The following PARP4 variants were observed in gnomAD, a reference collection of about 807,000 sequenced individuals.
PARP4 encodes protein mono-ADP-ribosyltransferase PARP4.
A neutral mutation model predicts 187.7 loss-of-function variants in PARP4; 120 were observed. The observed-to-expected ratio is 0.64, with a 90% confidence interval of 0.55 to 0.74. The LOEUF (loss-of-function observed/expected upper bound fraction) is 0.74, where lower values mean the gene tolerates loss of function less well. Among genes scored for constraint, PARP4 ranks in the 30% least tolerant of loss-of-function variants. The pLI is 0.00. For missense variants in PARP4, 1,836 were observed against 2,070.5 expected (o/e 0.89, Z 2.20); for synonymous variants, 654 against 740.9 (o/e 0.88, Z 1.90).
At chr13:24,479,495 A>G (rs1365741651) in intron 12 of PARP4, among the ~76,000 whole-genome samples, 1 of 151,960 alleles carries the variant, frequency 6.6e-6, no homozygotes, top group East Asian at 1.9e-4. Context: ...GATTGTAAAC[A>G]CACCAATCAG....
intron 32 of PARP4, among the ~76,000 whole-genome samples, chr13:24,428,806 A>G (rs1374225586): frequency 6.6e-6 from 1 of 152,170 alleles, no homozygotes; most frequent in Non-Finnish European, 1.5e-5. Flanking sequence ...ACTCTGGCCT[A>G]TCTAAATGTG....
At chr13:24,500,026 G>C (rs1209181726) in intron 4 of PARP4, among the ~76,000 whole-genome samples, 3 of 139,700 alleles carry the variant, frequency 2.1e-5, no homozygotes, top group Admixed American at 1.5e-4. Context: ...GAAAATAATA[G>C]GATGAAAATA....
chr13:24,447,079 C>G lies in PARP4; in HGVS notation c.3222G>C (p.Gln1074His). 1 of 1,611,208 alleles carries G rather than the reference C, an allele frequency of 6.2e-7. No homozygotes were observed. The highest frequency in any genetic ancestry group is 8.5e-7 in the Non-Finnish European group (1 of 1,178,402). Residue 1074 changes from glutamine to histidine, a missense_variant, in exon 26 of 34, where the codon CAG (glutamine) becomes CAC (histidine). Around this residue, in one of 8 missense-constraint regions of PARP4, gnomAD observed 56 missense variants for 103.7 expected, o/e 0.54. Transcript: ENST00000381989. Reference sequence around the variant, plus strand: ...GATCATTGAGAAACAAGGACGGCACCTGGGCTGGGGCCTGCAGGGCCTCGG... The same window carrying G: ...GATCATTGAGAAACAAGGACGGCACGTGGGCTGGGGCCTGCAGGGCCTCGG... ...DVPEALQAPA[Q>H]VPSLFLNDRL...
chr13:24,494,094 C>CA (rs748247541), intron 7 of PARP4, among the ~76,000 whole-genome samples: 25 of 152,190 alleles, frequency 1.6e-4, no homozygotes, highest in Non-Finnish European at 2.8e-4. Context: ...CTGAAATAAG[C>CA]AATACATCTC....
chr13:24,460,187 T>C (rs758501864), intron 17 of PARP4, 51 bp from the exon 18 acceptor site: 13 of 1,487,414 alleles, frequency 8.7e-6, no homozygotes, highest in Non-Finnish European at 1.2e-5. Context: ...ATACCCATTA[T>C]ATGCCAGCTA....
chr13:24,469,906 G>A lies in PARP4; in HGVS notation c.2034C>T (p.His678=), dbSNP rs1872658410. The A allele has an allele frequency of 6.2e-7, 1 of 1,613,542 alleles. No individual in the cohort carries two copies. Among genetic ancestry groups the A allele is most frequent in the Non-Finnish European group, 8.5e-7 (1 of 1,179,664 alleles). ...CGFEAFINGK[H]IVGEIKEKEE... is the part of the protein sequence containing the mutation. ...CTTCTTGCCTTACCTCTCCAACTATGTGCTTCCCATTGATGAAGGCTTCGA... is the reference window on the plus strand; with the variant it reads ...CTTCTTGCCTTACCTCTCCAACTATATGCTTCCCATTGATGAAGGCTTCGA... The change falls in exon 16 of 34, where the codon CAC becomes CAT. Residue 678 remains histidine (H), a synonymous_variant. Transcript: ENST00000381989.
At chr13:24,437,849 CA>C (rs1216300092) in intron 30 of PARP4, among the ~76,000 whole-genome samples, 137 of 118,182 alleles carry the variant, frequency 1.2e-3, no homozygotes, top group Non-Finnish European at 1.3e-3. Flanking sequence ...GACTCCATCT[CA>C]AAAAAAAAAA....
chr13:24,501,934 G>C, intron 2 of PARP4, 100 bp from the exon 3 acceptor site: 1 of 727,608 alleles, frequency 1.4e-6, no homozygotes, highest in Non-Finnish European at 2.3e-6. Context: ...TATTAAGGTA[G>C]TTTGTGATAA....
intron 1 of PARP4, among the ~76,000 whole-genome samples, chr13:24,506,071 C>T (rs1869640458): frequency 6.6e-6 from 1 of 152,222 alleles, no homozygotes; most frequent in African/African-American, 2.4e-5. Context: ...CTTGGTCTCA[C>T]TGACTTCAAA....
At chr13:24,462,051 C>T (rs1872238409) in intron 17 of PARP4, among the ~76,000 whole-genome samples, 1 of 152,162 alleles carries the variant, frequency 6.6e-6, no homozygotes, top group African/African-American at 2.4e-5. Context: ...TAAGATAGGA[C>T]AATGAACAGA....
intron 33 of PARP4, among the ~76,000 whole-genome samples, chr13:24,422,798 G>A (rs536045242): frequency 5.9e-5 from 9 of 151,904 alleles, no homozygotes; most frequent in Admixed American, 2.0e-4. Context: ...TAGTAGAGAC[G>A]GGGTTTCACC....
rs780991680 is a variant in PARP4, at chr13:24,477,863, G to A, written c.1633-6C>T. The A allele has an allele frequency of 3.2e-6, 5 of 1,552,664 alleles. No homozygotes were observed. Among genetic ancestry groups the A allele is most frequent in the Admixed American group, 4.3e-5 (2 of 46,844 alleles). ...TAGACAACAAATTCATCATCCTAGA[G>A]CAAACAGAAATCAGTAGGTGATTAA... On this transcript the variant is annotated splice_polypyrimidine_tract_variant and splice_region_variant and intron_variant, in intron 13 of 33. Coordinates refer to ENST00000381989, the MANE Select transcript of PARP4 (RefSeq NM_006437.4).
intron 6 of PARP4, among the ~76,000 whole-genome samples, chr13:24,497,769 C>T (rs1421463248): frequency 6.6e-6 from 1 of 152,114 alleles, no homozygotes; most frequent in Non-Finnish European, 1.5e-5. Context: ...TAAGGGTGGG[C>T]CCTGATCCAA....
At chr13:24,449,131 G>A (rs1312353700) in intron 25 of PARP4, among the ~76,000 whole-genome samples, 1 of 152,172 alleles carries the variant, frequency 6.6e-6, no homozygotes, top group East Asian at 1.9e-4. Flanking sequence ...GCTCACGCCT[G>A]TAATCCCAGC....
intron 21 of PARP4, among the ~76,000 whole-genome samples, chr13:24,455,798 T>C (rs995980479): frequency 1.3e-5 from 2 of 151,620 alleles, no homozygotes; most frequent in South Asian, 4.2e-4. Context: ...TTTTTCTTAA[T>C]TTTTTACAGA....
chr13:24,491,898 G>C (rs751215033), intron 9 of PARP4, among the ~76,000 whole-genome samples: 2 of 152,220 alleles, frequency 1.3e-5, no homozygotes, highest in Non-Finnish European at 2.9e-5. Flanking sequence ...AACTATTACA[G>C]ATGGGATGCC....
intron 9 of PARP4, among the ~76,000 whole-genome samples, chr13:24,491,704 G>A (rs1464454708): frequency 8.0e-5 from 12 of 149,734 alleles, no homozygotes; most frequent in African/African-American, 2.3e-4. Context: ...GGCTGCTGTG[G>A]CTGCCTTCCT....
rs560765186 is a variant in PARP4 at position 24,446,751 on chromosome 13, C to T, written c.3296G>A (p.Cys1099Tyr). The change falls in exon 27 of 34, where the codon TGT becomes TAT. Residue 1099 changes from cysteine (C) to tyrosine (Y), a missense_variant. By Grantham distance (194) the Cys-to-Tyr change is radical. This residue lies in a region of PARP4 where 56 missense variants were observed against 56.6 expected (regional missense o/e 0.99). Transcript: ENST00000381989. ...FIPHCTQATL[C>Y]ALIQEKEFRT... ...AAATTCTTTCTCTTGAATTAGTGCACACAGAGTTGCCTGAAATGGGGAAAA... is the reference window on the plus strand; with the variant it reads ...AAATTCTTTCTCTTGAATTAGTGCATACAGAGTTGCCTGAAATGGGGAAAA... 3 of 1,590,462 alleles carry T rather than the reference C, an allele frequency of 1.9e-6. No homozygotes were observed. Among genetic ancestry groups the T allele is most frequent in the East Asian group, 2.2e-5 (1 of 44,746 alleles).
intron 6 of PARP4, among the ~76,000 whole-genome samples, chr13:24,495,911 G>A (rs9578748): frequency 0.11 from 16,706 of 149,680 alleles, 989 homozygotes; most frequent in African/African-American, 0.13. Context: ...ACGGTGGACT[G>A]AGGCTCACTG....
Sources: allele counts gnomAD v4.1 joint callset (sites outside exome capture counted in the v4.1 genomes callset), GRCh38; gene constraint gnomAD v4.1.1; regional missense constraint gnomAD v4.1.1; transcripts MANE v1.5; gene names NCBI Gene and HGNC (gene_info 2026-07-23, HGNC 2026-07-21).